The following FBXW8 variants were observed in gnomAD, a reference collection of about 807,000 sequenced individuals.
The protein encoded by FBXW8 is F-box/WD repeat-containing protein 8.
In FBXW8, 57 loss-of-function variants were observed where a neutral mutation model predicts 65.3. That is an observed-to-expected ratio of 0.87 (90% confidence interval 0.71 to 1.09). The LOEUF is 1.09. FBXW8 is among the 50% of genes least tolerant of loss of function. The pLI, the probability that FBXW8 is intolerant of heterozygous loss-of-function variation, is 0.00. For synonymous variants in FBXW8, 308 were observed against 330.2 expected, an observed-to-expected ratio of 0.93 and a Z score of 0.73; for missense variants, 777 against 814.8, an observed-to-expected ratio of 0.95 and a Z score of 0.57.
chr12:116,934,926 G>A (rs1318123781), intron 2 of FBXW8, among the ~76,000 whole-genome samples: 2 of 152,132 alleles, frequency 1.3e-5, no homozygotes, highest in Non-Finnish European at 2.9e-5. Flanking sequence ...GTCTTTGACG[G>A]CCACACTGGC....
intron 2 of FBXW8, among the ~76,000 whole-genome samples, chr12:116,943,270 G>A (rs1882726181): frequency 6.6e-6 from 1 of 151,946 alleles, no homozygotes; most frequent in South Asian, 2.1e-4. Context: ...TTGTTTCTTT[G>A]CATGCTTTTG....
chr12:116,967,400 G>A (rs1480645541), intron 5 of FBXW8, among the ~76,000 whole-genome samples: 1 of 152,214 alleles, frequency 6.6e-6, no homozygotes, highest in African/African-American at 2.4e-5. Flanking sequence ...GGGTGGCCCT[G>A]GGGTGAGGTG....
chr12:116,938,323 C>T (rs1301310222), intron 2 of FBXW8, among the ~76,000 whole-genome samples: 3 of 152,204 alleles, frequency 2.0e-5, no homozygotes, highest in African/African-American at 7.2e-5. Context: ...ATTCTCACCT[C>T]TGCCTTTTTT....
chr12:116,943,944 A>G (rs796269754), intron 2 of FBXW8, among the ~76,000 whole-genome samples: 5 of 152,320 alleles, frequency 3.3e-5, no homozygotes, highest in African/African-American at 1.2e-4. Flanking sequence ...AGCCTTGAGA[A>G]TAGAGCTTTC....
At chr12:116,963,818 T>C (rs1299148454) in intron 4 of FBXW8, among the ~76,000 whole-genome samples, 1 of 152,168 alleles carries the variant, frequency 6.6e-6, no homozygotes. Flanking sequence ...GATTGTGTGG[T>C]TCTATCATGA....
chr12:117,017,773 C>T (rs953424742), intron 8 of FBXW8, among the ~76,000 whole-genome samples: 3 of 152,072 alleles, frequency 2.0e-5, no homozygotes, highest in Non-Finnish European at 4.4e-5. Context: ...ATGAAACTGC[C>T]GAGCCAGACA....
chr12:117,013,950 G>C (rs1208457201), intron 8 of FBXW8, among the ~76,000 whole-genome samples: 1 of 151,812 alleles, frequency 6.6e-6, no homozygotes, highest in South Asian at 2.1e-4. Flanking sequence ...TAAGCGTTTA[G>C]AATCTGTATA....
chr12:116,971,756 C>G (rs1402384009), intron 5 of FBXW8, among the ~76,000 whole-genome samples: 1 of 151,936 alleles, frequency 6.6e-6, no homozygotes, highest in South Asian at 2.1e-4. Flanking sequence ...TCTTTTGACC[C>G]CATTACTCAA....
intron 5 of FBXW8, chr12:116,978,019 C>G (rs944994300): frequency 6.6e-6 from 1 of 152,208 alleles, no homozygotes; most frequent in Admixed American, 6.5e-5. Context: ...TATGCCCTAA[C>G]CAGTCGCCTC....
intron 8 of FBXW8, among the ~76,000 whole-genome samples, chr12:117,019,267 A>G (rs536190826): frequency 6.6e-6 from 1 of 152,212 alleles, no homozygotes; most frequent in South Asian, 2.1e-4. Flanking sequence ...TGGACTTGTT[A>G]TGGATCTCAG....
At chr12:116,994,506 A>AT (rs1180386478) in intron 7 of FBXW8, among the ~76,000 whole-genome samples, 3 of 152,236 alleles carry the variant, frequency 2.0e-5, no homozygotes, top group Non-Finnish European at 4.4e-5. Flanking sequence ...CAGTTTCTCT[A>AT]TCTGGAGCCA....
intron 5 of FBXW8, 26 bp downstream of exon 5, chr12:116,964,880 A>G (rs1884217135): frequency 4.5e-6 from 7 of 1,546,230 alleles, no homozygotes; most frequent in East Asian, 4.5e-5. Context: ...CCTCCTCCCT[A>G]TTAAGGAAAA....
rs761904700 is a variant in FBXW8 at position 116,988,713 on chromosome 12, AG to A, written c.1084del (p.Ala362ProfsTer6). Reference sequence around the variant, plus strand: ...AAACCAGAAGGTACCCTGTGGCAGTAGCCGCTGCTGGAGATCTGATGTACCT... The same window carrying A: ...AAACCAGAAGGTACCCTGTGGCAGTACCGCTGCTGGAGATCTGATGTACCT... Reference protein sequence around the residue: ...PETRRYPVAVAAAGDLMYLLK... With the variant: ...PETRRYPVAVXAAGDLMYLLK... On this transcript the variant is annotated frameshift_variant, in exon 7 of 11. Coordinates refer to ENST00000652555, the MANE Select transcript of FBXW8 (RefSeq NM_153348.3). LOFTEE classifies it high-confidence loss of function. The A allele has an allele frequency of 7.4e-6, 12 of 1,614,064 alleles. No homozygotes were observed. Among genetic ancestry groups the A allele is most frequent in the African/African-American group, 5.3e-5 (4 of 74,908 alleles).
At position 117,024,319 on chromosome 12, in the gene FBXW8, G is replaced by C. The variant is rs142010584; in HGVS notation, c.1540G>C (p.Gly514Arg). Residue 514 changes from glycine (G) to arginine (R), a missense_variant and splice_region_variant, in exon 9 of 11, where the codon GGG (glycine) becomes CGG (arginine). Transcript: ENST00000652555. Reference sequence around the variant, plus strand: ...CCAGAAGCTGTGGGAGGTGTATTCCGGGTAAGGTGCATTCTAGACACTCTT... The same window carrying C: ...CCAGAAGCTGTGGGAGGTGTATTCCCGGTAAGGTGCATTCTAGACACTCTT... The part of the protein sequence containing the change: ...MNQKLWEVYS[G>R]HPVQHISFSS... 8 of 1,614,076 alleles carry C rather than the reference G, an allele frequency of 5.0e-6. No homozygotes were observed. In the East Asian group the frequency reaches 1.8e-4, roughly 36 times the overall value.
At chr12:116,941,442 A>G (rs1235637785) in intron 2 of FBXW8, among the ~76,000 whole-genome samples, 2 of 152,218 alleles carry the variant, frequency 1.3e-5, no homozygotes, top group African/African-American at 4.8e-5. Flanking sequence ...CCATGCCTGT[A>G]GGGAAAGTGA....
At chr12:116,916,124 T>C (rs1880387703) in intron 1 of FBXW8, among the ~76,000 whole-genome samples, 1 of 152,168 alleles carries the variant, frequency 6.6e-6, no homozygotes, top group Non-Finnish European at 1.5e-5. Flanking sequence ...TGTTGCTAGT[T>C]TGTTGATAGC....
intron 5 of FBXW8, among the ~76,000 whole-genome samples, chr12:116,983,864 C>T (rs1246508624): frequency 2.0e-5 from 3 of 152,240 alleles, no homozygotes; most frequent in African/African-American, 4.8e-5. Flanking sequence ...TTTCATCTGC[C>T]TCACAGTCCT....
chr12:116,968,517 C>T (rs1301158934), intron 5 of FBXW8, among the ~76,000 whole-genome samples: 3 of 152,130 alleles, frequency 2.0e-5, no homozygotes, highest in Admixed American at 6.6e-5. Flanking sequence ...TGTGTATAAG[C>T]ACTTTGGTTT....
intron 5 of FBXW8, among the ~76,000 whole-genome samples, chr12:116,965,091 A>G (rs1296083596): frequency 6.6e-6 from 1 of 152,250 alleles, no homozygotes; most frequent in Non-Finnish European, 1.5e-5. Context: ...TCCTACTGGA[A>G]CTGTCAGGCT....
Sources: allele counts gnomAD v4.1 joint callset (sites outside exome capture counted in the v4.1 genomes callset), GRCh38; gene constraint gnomAD v4.1.1; transcripts MANE v1.5; gene names NCBI Gene and HGNC (gene_info 2026-07-23, HGNC 2026-07-21).